ABR: variants seen among roughly 807,000 people sequenced by gnomAD.
ABR encodes the protein active breakpoint cluster region-related protein.
A neutral mutation model predicts 107.2 loss-of-function variants in ABR; 35 were observed. The observed-to-expected ratio is 0.33, with a 90% confidence interval of 0.25 to 0.43. The LOEUF is 0.43. Ranked by LOEUF, ABR falls within the 20% of genes least tolerant of loss-of-function variation. ABR has a pLI of 1.00. For missense variants in ABR, 815 were observed against 1,115.2 expected (o/e 0.73, Z 3.83); for synonymous variants, 498 against 462.0 (o/e 1.08, Z -1.00).
intron 1 of ABR, among the ~76,000 whole-genome samples, chr17:1,222,074 C>CTTTTTTTTTTTTTTTTTTTT (rs1488404002): frequency 6.2e-5 from 9 of 144,776 alleles, no homozygotes; most frequent in African/African-American, 7.7e-5. Context: ...AGGATCCCAT[C>CTTTTTTTTTTTTTTTTTTTT]TTTTTTTCTG....
intron 4 of ABR, 82 bp from the exon 5 acceptor site, chr17:1,083,709 A>T: frequency 3.4e-6 from 4 of 1,168,034 alleles, no homozygotes; most frequent in Non-Finnish European, 3.8e-6. Flanking sequence ...TTCACGGAGC[A>T]CCGGGAGCTC....
At chr17:1,204,634 G>A (rs917195000) in intron 1 of ABR, among the ~76,000 whole-genome samples, 4 of 152,138 alleles carry the variant, frequency 2.6e-5, no homozygotes, top group Non-Finnish European at 5.9e-5. Flanking sequence ...ACGGCCTATA[G>A]TATTCAGTAT....
chr17:1,194,449 G>A (rs955522473), intron 1 of ABR, among the ~76,000 whole-genome samples: 12 of 148,650 alleles, frequency 8.1e-5, no homozygotes, highest in African/African-American at 2.7e-4. Flanking sequence ...TGCCTGCCTC[G>A]TCTTCCCAAA....
At chr17:1,117,784 T>C (rs570099591) in intron 2 of ABR, among the ~76,000 whole-genome samples, 19 of 57,402 alleles carry the variant, frequency 3.3e-4, no homozygotes, top group East Asian at 7.8e-4. Flanking sequence ...GAGCCTGAGT[T>C]CTCCCCAGCG....
intron 16 of ABR, 65 bp from the exon 17 acceptor site, chr17:1,013,229 G>A: frequency 6.8e-7 from 1 of 1,476,358 alleles, no homozygotes; most frequent in Non-Finnish European, 9.5e-7. Context: ...ATCTCCCCGT[G>A]GGTCAGCACT....
intron 5 of ABR, among the ~76,000 whole-genome samples, chr17:1,080,340 A>G (rs2036128067): frequency 6.6e-6 from 1 of 152,172 alleles, no homozygotes; most frequent in Admixed American, 6.5e-5. Flanking sequence ...GGTAGTGAGT[A>G]CTGGAAAGAC....
intron 1 of ABR, among the ~76,000 whole-genome samples, chr17:1,219,018 C>A (rs1217189202): frequency 6.6e-6 from 1 of 151,610 alleles, no homozygotes; most frequent in Non-Finnish European, 1.5e-5. Flanking sequence ...GTGCTTAATT[C>A]TAGTATCCTT....
In ABR at chr17:1,125,476, C is replaced by T. The variant is rs767998496; in HGVS notation, c.62-109G>A. 42 of 1,335,234 alleles carry T rather than the reference C, an allele frequency of 3.1e-5. 1 individual carries two copies. Among genetic ancestry groups the T allele is most frequent in the Non-Finnish European group, 4.3e-5 (41 of 945,848 alleles). The allele number at this position is 1,335,234 out of a possible 1,614,324, so 82.7% of individuals were successfully genotyped here. On this transcript the variant is annotated intron_variant, in intron 1 of 22. Coordinates refer to ENST00000302538, the MANE Select transcript of ABR (RefSeq NM_021962.5). ...CCCCCGGCAGCCATGGCCCCGGCCG[C>T]ACCATCCACGCCTGGCCCGGGCGGG... is the stretch of plus-strand genomic sequence containing the variant.
intron 1 of ABR, among the ~76,000 whole-genome samples, chr17:1,130,950 C>T (rs2039796373): frequency 6.6e-6 from 1 of 152,246 alleles, no homozygotes; most frequent in Admixed American, 6.5e-5. Context: ...ACTGCGAGAG[C>T]ATCGATTTCT....
At chr17:1,125,414 T>C in intron 1 of ABR, 47 bp from the exon 2 acceptor site, 2 of 1,600,298 alleles carry the variant, frequency 1.2e-6, no homozygotes, top group Non-Finnish European at 1.7e-6. Flanking sequence ...CCACCAGAGC[T>C]GCCAGGGACT....
At chr17:1,020,557 C>T (rs904777669) in intron 16 of ABR, among the ~76,000 whole-genome samples, 2 of 152,172 alleles carry the variant, frequency 1.3e-5, no homozygotes, top group Non-Finnish European at 2.9e-5. Context: ...CCGTCACCTC[C>T]GAGGGAGCAG....
At chr17:1,048,384 C>T (rs2031950347) in intron 16 of ABR, among the ~76,000 whole-genome samples, 1 of 150,978 alleles carries the variant, frequency 6.6e-6, no homozygotes, top group Non-Finnish European at 1.5e-5. Context: ...CACACAGCTC[C>T]CCAGGGGCAA....
At chr17:1,097,722 T>A (rs550857120) in intron 3 of ABR, among the ~76,000 whole-genome samples, 4 of 152,300 alleles carry the variant, frequency 2.6e-5, no homozygotes, top group African/African-American at 9.6e-5. Flanking sequence ...ATTCACCTGC[T>A]GAAAGCCTGG....
At chr17:1,229,463 G>A (rs1278021781) in exon 1 of ABR, among the ~76,000 whole-genome samples, 7 of 151,896 alleles carry the variant, frequency 4.6e-5, no homozygotes, top group African/African-American at 1.7e-4. Flanking sequence ...GCGGGAGCGA[G>A]GCTTTGAGCT....
intron 1 of ABR, among the ~76,000 whole-genome samples, chr17:1,196,281 T>A (rs1021975639): frequency 6.6e-6 from 1 of 151,646 alleles, no homozygotes; most frequent in Non-Finnish European, 1.5e-5. Context: ...AATACAAAAA[T>A]TAGCTGGGCA....
At position 1,050,201 on chromosome 17, in the gene ABR, A is replaced by G; in HGVS notation, c.1660-20T>C. 6.2e-7 allele frequency: 1 copy of G among 1,607,914 alleles called. No homozygotes were observed. The highest frequency in any genetic ancestry group is 8.5e-7 in the Non-Finnish European group (1 of 1,178,186). On this transcript the variant is annotated intron_variant, in intron 15 of 22. Transcript: ENST00000302538. This position sits in a 1 kb window ranked among gnomAD's most constrained non-coding sequence, Gnocchi z 4.6. Reference sequence around the variant, plus strand: ...AAACTCCTGGGGAAAGATGGGACAAAGGGCCCTGAACCTCCGAAGCTGGGA... The same window carrying G: ...AAACTCCTGGGGAAAGATGGGACAAGGGGCCCTGAACCTCCGAAGCTGGGA...
intron 5 of ABR, among the ~76,000 whole-genome samples, chr17:1,080,543 G>A (rs374756796): frequency 7.2e-5 from 11 of 151,970 alleles, no homozygotes; most frequent in African/African-American, 1.2e-4. Context: ...CCACGGTCAG[G>A]TGCCCAGGTG....
At chr17:1,165,852 G>A (rs565869813) in intron 1 of ABR, among the ~76,000 whole-genome samples, 262 of 152,280 alleles carry the variant, frequency 1.7e-3, no homozygotes, top group African/African-American at 5.8e-3. Flanking sequence ...AAATTTTCAA[G>A]TGAGAGCAGC....
Position 1,078,399 on chromosome 17 carries a change from G to T in ABR, c.700+931C>A, listed in dbSNP as rs1482129769. On this transcript the variant is annotated intron_variant, in intron 6 of 22. Transcript: ENST00000302538. The surrounding 1 kb of genome is among the most constrained non-coding windows in gnomAD (Gnocchi z 7.5). ...GCTCGCGCTGGCACCCTCTCGGCTG[G>T]CAACGCCGCCGTCCGGACCATCGCC... Among the ~76,000 whole-genome samples the T allele has an allele frequency of 6.6e-6, 1 of 152,128 alleles. No individual in the cohort carries two copies. The highest frequency in any genetic ancestry group is 1.5e-5 in the Non-Finnish European group (1 of 68,010).
Sources: gnomAD v4.1 joint callset for allele counts (sites outside exome capture counted in the v4.1 genomes callset) on GRCh38, gnomAD v4.1.1 for gene constraint, Gnocchi (gnomAD v3.1) non-coding constraint, MANE v1.5 for transcripts, NCBI Gene and HGNC (gene_info 2026-07-23, HGNC 2026-07-21) for gene names.